The following KDM2A variants were observed in gnomAD, a reference collection of about 807,000 sequenced individuals.
KDM2A encodes lysine-specific demethylase 2A.
KDM2A carries 3 observed loss-of-function variants against 137.3 expected under a neutral mutation model. The observed-to-expected ratio is 0.02, with a 90% CI of 0.01 to 0.06. KDM2A has a LOEUF of 0.06. Ranked by LOEUF, KDM2A falls within the 10% of genes least tolerant of loss-of-function variation. The probability of loss-of-function intolerance (pLI) is 1.00; values close to 1 mark genes in which losing one functional copy is unlikely to be tolerated. For synonymous variants in KDM2A, 512 were observed against 541.5 expected (o/e 0.95, Z 0.76); for missense variants, 738 against 1,510.6 (o/e 0.49, Z 8.48).
chr11:67,247,611 G>C (rs1859289772), intron 15 of KDM2A, among the ~76,000 whole-genome samples: 1 of 151,574 alleles, frequency 6.6e-6, no homozygotes, highest in African/African-American at 2.4e-5. Flanking sequence ...GTTAAGTAGA[G>C]TTGGGGTTTC....
intron 2 of KDM2A, among the ~76,000 whole-genome samples, chr11:67,165,939 A>C (rs1253784): frequency 0.96 from 146,120 of 152,158 alleles, 70,268 homozygotes; most frequent in Non-Finnish European, 0.99. Context: ...TAATCCTTAT[A>C]TTCTAGGAAC....
At chr11:67,124,094 C>T (rs955773771) in intron 2 of KDM2A, among the ~76,000 whole-genome samples, 8 of 152,056 alleles carry the variant, frequency 5.3e-5, no homozygotes, top group African/African-American at 1.9e-4. Flanking sequence ...ACCTCTGGCT[C>T]CCGGGTTCAG....
At chr11:67,196,775 G>A (rs1857493260) in intron 5 of KDM2A, 2 of 254,966 alleles carry the variant, frequency 7.8e-6, no homozygotes, top group Admixed American at 1.0e-4. Flanking sequence ...ACAGAGTTAT[G>A]GAGATGGATG....
chr11:67,136,149 T>G (rs1855965683), intron 2 of KDM2A, among the ~76,000 whole-genome samples: 1 of 152,214 alleles, frequency 6.6e-6, no homozygotes, highest in Non-Finnish European at 1.5e-5. Flanking sequence ...TGATTGAATG[T>G]GTACTGTGTG....
intron 5 of KDM2A, among the ~76,000 whole-genome samples, chr11:67,191,958 A>G (rs548472445): frequency 1.3e-5 from 2 of 152,344 alleles, no homozygotes; most frequent in South Asian, 4.1e-4. Flanking sequence ...GGTTCCTTCT[A>G]TCATGTGCAT....
intron 10 of KDM2A, among the ~76,000 whole-genome samples, chr11:67,225,113 C>A (rs972686852): frequency 6.6e-6 from 1 of 152,054 alleles, no homozygotes; most frequent in African/African-American, 2.4e-5. Context: ...CAGGTGTGAG[C>A]CATCACGCCC....
At chr11:67,244,667 C>T (rs922811649) in intron 13 of KDM2A, among the ~76,000 whole-genome samples, 2 of 152,166 alleles carry the variant, frequency 1.3e-5, no homozygotes, top group African/African-American at 4.8e-5. Context: ...AACAATTTCT[C>T]AGTTCTACCA....
chr11:67,119,371 G>C lies in KDM2A; in HGVS notation c.-762G>C, dbSNP rs1855544331. On this transcript the variant is annotated 5_prime_UTR_variant, in exon 1 of 21. Coordinates refer to ENST00000529006, the MANE Select transcript of KDM2A (RefSeq NM_012308.3). ...AGCGGCGGCGGCGGCGGCGGCTCTCGGAGCACCTTCCCAGCGGCTGGGCCC... is the reference window on the plus strand; with the variant it reads ...AGCGGCGGCGGCGGCGGCGGCTCTCCGAGCACCTTCCCAGCGGCTGGGCCC... 1.2e-5 allele frequency: 2 copies of C among 164,342 alleles called. No homozygotes were observed. The highest frequency in any genetic ancestry group is 2.4e-5 in the African/African-American group (1 of 41,704). 10.2% of individuals were successfully genotyped at this position (164,342 alleles called of 1,614,324 possible).
chr11:67,160,023 A>G (rs1461796350), intron 2 of KDM2A, among the ~76,000 whole-genome samples: 2 of 152,214 alleles, frequency 1.3e-5, no homozygotes, highest in Non-Finnish European at 2.9e-5. Flanking sequence ...TTATGTGTAT[A>G]TTACCACACA....
chr11:67,228,242 A>G, intron 11 of KDM2A, 79 bp downstream of exon 11: 1 of 1,452,424 alleles, frequency 6.9e-7, no homozygotes, highest in Non-Finnish European at 9.5e-7. Flanking sequence ...GTAGGCTGTC[A>G]CTCAATATGT....
At position 67,241,920 on chromosome 11, in the gene KDM2A, T is replaced by G. The variant is rs1183976487; in HGVS notation, c.1480-1089T>G. Among the ~76,000 whole-genome samples, 4 of 152,058 alleles carry G rather than the reference T, an allele frequency of 2.6e-5. No homozygotes were observed. In the East Asian group the frequency reaches 7.7e-4, roughly 29 times the overall value. On this transcript the variant is annotated intron_variant, in intron 12 of 20. Coordinates refer to ENST00000529006, the MANE Select transcript of KDM2A (RefSeq NM_012308.3). ...TCCGTCTCTACTAAAAATACAAAAA[T>G]TAGCTGGGTATGGTGGCAGGTGCCT... is the stretch of plus-strand genomic sequence containing the variant.
At chr11:67,174,584 T>C (rs1856940895) in intron 2 of KDM2A, among the ~76,000 whole-genome samples, 1 of 152,174 alleles carries the variant, frequency 6.6e-6, no homozygotes, top group South Asian at 2.1e-4. Flanking sequence ...ATACAACTAA[T>C]ACTCCTGCAG....
intron 2 of KDM2A, among the ~76,000 whole-genome samples, chr11:67,130,573 A>G (rs562822584): frequency 6.6e-6 from 1 of 152,312 alleles, no homozygotes; most frequent in African/African-American, 2.4e-5. Flanking sequence ...TTGGTTATTA[A>G]GTCAAGGAAT....
chr11:67,207,426 T>C, intron 5 of KDM2A, 84 bp from the exon 6 acceptor site: 1 of 1,082,318 alleles, frequency 9.2e-7, no homozygotes, highest in East Asian at 2.7e-5. Flanking sequence ...CAGTATTTTT[T>C]CTTCTACTTT....
chr11:67,240,056 C>T lies in KDM2A; in HGVS notation c.1480-2953C>T. On this transcript the variant is annotated intron_variant, in intron 12 of 20. Coordinates refer to ENST00000529006, the MANE Select transcript of KDM2A (RefSeq NM_012308.3). ...CCTCCTGCCATCTTCCGTTGCAAAGCATTTCTGGGAGCTGCATGTGGGTGA... is the reference window on the plus strand; with the variant it reads ...CCTCCTGCCATCTTCCGTTGCAAAGTATTTCTGGGAGCTGCATGTGGGTGA... The T allele has an allele frequency of 2.3e-6, 3 of 1,313,746 alleles. No homozygotes were observed. In the South Asian group the frequency reaches 7.0e-5, roughly 31 times the overall value. The allele number at this position is 1,313,746 out of a possible 1,614,324, so 81.4% of individuals were successfully genotyped here.
rs145412681 is a variant in KDM2A, at chr11:67,257,212, A to G, written c.*2157A>G. ...TTCATCCACAGAAATTTCCAAGCCA[A>G]TGGTTTCTTTTGGGTTTTGGTTTTT... On this transcript the variant is annotated 3_prime_UTR_variant, in exon 21 of 21. Coordinates refer to ENST00000529006, the MANE Select transcript of KDM2A (RefSeq NM_012308.3). The G allele has an allele frequency of 0.011, 1,633 of 152,398 alleles. 21 individuals carry two copies. The highest frequency in any genetic ancestry group is 0.017 in the Middle Eastern group (5 of 294). 9.4% of individuals were successfully genotyped at this position (152,398 alleles called of 1,614,324 possible). A position where few individuals can be genotyped will look rare whatever the true frequency, so the allele number is the denominator to read the frequency against.
In KDM2A at chr11:67,256,996, A is replaced by G. The variant is rs1565431126; in HGVS notation, c.*1941A>G. On this transcript the variant is annotated 3_prime_UTR_variant, in exon 21 of 21. Coordinates refer to ENST00000529006, the MANE Select transcript of KDM2A (RefSeq NM_012308.3). ...AACTTCTCTGTAAAGAACCCTGGGT[A>G]TTGAGCAAAAACCTTATTATCGTTA... 6.6e-6 allele frequency: 1 copy of G among 152,630 alleles called. No homozygotes were observed. Among genetic ancestry groups the G allele is most frequent in the Non-Finnish European group, 1.5e-5 (1 of 68,040 alleles). 9.5% of individuals were successfully genotyped at this position (152,630 alleles called of 1,614,324 possible). A position where few individuals can be genotyped will look rare whatever the true frequency, so the allele number is the denominator to read the frequency against.
intron 2 of KDM2A, among the ~76,000 whole-genome samples, chr11:67,138,809 G>A (rs1856028282): frequency 6.6e-6 from 1 of 152,150 alleles, no homozygotes; most frequent in African/African-American, 2.4e-5. Flanking sequence ...TCAACAGCCT[G>A]TGTTTCAACT....
In KDM2A at chr11:67,240,037, G is replaced by A. The variant is rs1858980839; in HGVS notation, c.1480-2972G>A. The A allele has an allele frequency of 1.7e-5, 22 of 1,304,838 alleles. No individual in the cohort carries two copies. The South Asian group carries it at 4.8e-4, about 28-fold the overall frequency. 80.8% of individuals were successfully genotyped at this position (1,304,838 alleles called of 1,614,324 possible). On this transcript the variant is annotated intron_variant, in intron 12 of 20. Transcript: ENST00000529006. The stretch of plus-strand genomic sequence containing the variant: ...TCACTCTCGCTCGGCTCCCCCTCCT[G>A]CCATCTTCCGTTGCAAAGCATTTCT...
Sources: allele counts gnomAD v4.1 joint callset (sites outside exome capture counted in the v4.1 genomes callset), GRCh38; gene constraint gnomAD v4.1.1; transcripts MANE v1.5; gene names NCBI Gene and HGNC (gene_info 2026-07-23, HGNC 2026-07-21).